WNT7B: variants seen among roughly 807,000 people sequenced by gnomAD.
WNT7B encodes the protein Wnt family member 7B, also known as protein Wnt-7b.
WNT7B carries 19 observed loss-of-function variants against 38.2 expected under a neutral mutation model. That is an observed-to-expected ratio of 0.50 (90% CI 0.35 to 0.73). The LOEUF is 0.73. WNT7B is among the 30% of genes least tolerant of loss of function. The pLI is 0.01. For missense variants in WNT7B, 423 were observed against 507.9 expected (o/e 0.83, Z 1.61); for synonymous variants, 243 against 209.3 (o/e 1.16, Z -1.39).
chr22:45,970,948 T>C (rs1932422183), intron 1 of WNT7B, among the ~76,000 whole-genome samples: 1 of 152,232 alleles, frequency 6.6e-6, no homozygotes, highest in South Asian at 2.1e-4. Context: ...TGCCCGGACC[T>C]TGTAATTATG....
intron 1 of WNT7B, among the ~76,000 whole-genome samples, chr22:45,971,507 C>G (rs1932438129): frequency 6.6e-6 from 1 of 152,192 alleles, no homozygotes; most frequent in Non-Finnish European, 1.5e-5. Context: ...CGCCCACGCT[C>G]CGCGCTCTCC....
intron 3 of WNT7B, chr22:45,926,582 C>G: frequency 2.0e-6 from 2 of 985,418 alleles, no homozygotes; most frequent in Non-Finnish European, 2.4e-6. Context: ...GATATTCCGG[C>G]CACTGGGGCC....
At chr22:45,948,507 C>T (rs1411164219) in intron 2 of WNT7B, among the ~76,000 whole-genome samples, 2 of 152,358 alleles carry the variant, frequency 1.3e-5, no homozygotes, top group South Asian at 2.1e-4. Context: ...CCGGCAGCTG[C>T]GGCTCTGCTC....
At chr22:45,930,417 A>T in intron 3 of WNT7B, among the ~76,000 whole-genome samples, 1 of 152,160 alleles carries the variant, frequency 6.6e-6, no homozygotes, top group Non-Finnish European at 1.5e-5. Context: ...TGGGCGTTCC[A>T]CTTGGCTGGC....
In WNT7B at chr22:45,966,203, T is replaced by C. The variant is rs918672392; in HGVS notation, c.71+10481A>G. Among the ~76,000 whole-genome samples the C allele has an allele frequency of 6.6e-6, 1 of 152,326 alleles. No individual in the cohort carries two copies. Among genetic ancestry groups the C allele is most frequent in the African/African-American group, 2.4e-5 (1 of 41,572 alleles). On this transcript the variant is annotated intron_variant, in intron 1 of 3. Coordinates refer to ENST00000339464, the MANE Select transcript of WNT7B (RefSeq NM_058238.3). This position sits in a 1 kb window ranked among gnomAD's most constrained non-coding sequence, Gnocchi z 4.2. ...GTCCTCCAGAAGTGGGAATGCCTCA[T>C]CCTGTGTCCCCCAGGCGGGGGTCTG...
intron 2 of WNT7B, among the ~76,000 whole-genome samples, chr22:45,943,455 G>A (rs898315304): frequency 1.3e-5 from 2 of 152,376 alleles, no homozygotes; most frequent in East Asian, 3.9e-4. Context: ...TGGCCTTCCG[G>A]GAGTTTTCCC....
chr22:45,954,709 T>A (rs1932020508), intron 1 of WNT7B: 1 of 985,238 alleles, frequency 1.0e-6, no homozygotes, highest in African/African-American at 1.7e-5. Context: ...TTAGATGTGG[T>A]TGATAATTCA....
intron 2 of WNT7B, among the ~76,000 whole-genome samples, chr22:45,932,592 A>C (rs565504088): frequency 6.6e-6 from 1 of 152,284 alleles, no homozygotes; most frequent in African/African-American, 2.4e-5. Context: ...TCTCCAGGCC[A>C]GGCCCTGTGC....
intron 2 of WNT7B, among the ~76,000 whole-genome samples, chr22:45,936,978 C>G (rs559946506): frequency 1.3e-5 from 2 of 152,320 alleles, no homozygotes; most frequent in Admixed American, 1.3e-4. Context: ...CCACAGGGGC[C>G]GGTGCACTTT....
chr22:45,974,396 C>T (rs527751526), intron 1 of WNT7B, among the ~76,000 whole-genome samples: 1 of 152,208 alleles, frequency 6.6e-6, no homozygotes, highest in African/African-American at 2.4e-5. Flanking sequence ...CCCCTTCTAC[C>T]GCTGCGCGTA....
At chr22:45,972,116 G>GGGGCCCCCCCCCCCCCCCCCCCCCCC in intron 1 of WNT7B, 3 of 530,742 alleles carry the variant, frequency 5.7e-6, no homozygotes, top group African/African-American at 2.1e-5. Context: ...CCCGGGGGGA[G>GGGGCCCCCCCCCCCCCCCCCCCCCCC]CCCACCCGCC....
chr22:45,944,568 C>G (rs1222986240), intron 2 of WNT7B, among the ~76,000 whole-genome samples: 2 of 152,210 alleles, frequency 1.3e-5, no homozygotes, highest in Non-Finnish European at 2.9e-5. Context: ...GTTGAGCTGC[C>G]TTGGGCTGGG....
chr22:45,925,715 C>T (rs953944306), intron 3 of WNT7B: 9 of 985,314 alleles, frequency 9.1e-6, no homozygotes, highest in East Asian at 1.1e-4. Context: ...ACGGCCTGCT[C>T]GGATGCTCCC....
chr22:45,956,138 G>C (rs1932055259), intron 1 of WNT7B, among the ~76,000 whole-genome samples: 2 of 152,204 alleles, frequency 1.3e-5, no homozygotes, highest in Non-Finnish European at 2.9e-5. Context: ...CCAGGTACCA[G>C]GCCAGCCCCA....
intron 2 of WNT7B, among the ~76,000 whole-genome samples, chr22:45,939,896 G>A (rs1931604303): frequency 6.6e-6 from 1 of 152,202 alleles, no homozygotes; most frequent in African/African-American, 2.4e-5. Context: ...GCCACATATA[G>A]TGTGATTCCA....
At chr22:45,928,857 C>CCT (rs1931186623) in intron 3 of WNT7B, among the ~76,000 whole-genome samples, 1 of 98,860 alleles carries the variant, frequency 1.0e-5, no homozygotes, top group Non-Finnish European at 2.3e-5. Context: ...TTCCCCATAC[C>CCT]GCATACCACG....
At chr22:45,927,406 C>T (rs1270967527) in intron 3 of WNT7B, 14 of 1,532,056 alleles carry the variant, frequency 9.1e-6, no homozygotes, top group Non-Finnish European at 1.2e-5. Flanking sequence ...TCTTGCCCAT[C>T]AGGGACACCA....
intron 1 of WNT7B, among the ~76,000 whole-genome samples, chr22:45,953,089 G>A (rs80013542): frequency 1.3e-5 from 2 of 151,372 alleles, no homozygotes; most frequent in African/African-American, 2.5e-5. Flanking sequence ...CTGGTTTTGC[G>A]GGTGTAGAGC....
Position 45,954,741 on chromosome 22 carries a change from C to T in WNT7B, c.72-4595G>A, listed in dbSNP as rs1388478670. 1.2e-5 allele frequency: 12 copies of T among 985,272 alleles called. 1 individual carries two copies. The South Asian group carries it at 5.6e-4, about 46-fold the overall frequency. 61.0% of individuals were successfully genotyped at this position (985,272 alleles called of 1,614,324 possible). Reference sequence around the variant, plus strand: ...TTCAGAAACAATTTCAAAATTGTCTCCCTTACTAAGTGGGGGTGTTTGTGT... The same window carrying T: ...TTCAGAAACAATTTCAAAATTGTCTTCCTTACTAAGTGGGGGTGTTTGTGT... On this transcript the variant is annotated intron_variant, in intron 1 of 3. Coordinates refer to ENST00000339464, the MANE Select transcript of WNT7B (RefSeq NM_058238.3).
Sources: gnomAD v4.1 joint callset for allele counts (sites outside exome capture counted in the v4.1 genomes callset) on GRCh38, gnomAD v4.1.1 for gene constraint, Gnocchi (gnomAD v3.1) non-coding constraint, MANE v1.5 for transcripts, NCBI Gene and HGNC (gene_info 2026-07-23, HGNC 2026-07-21) for gene names.